The following FBN2 variants were observed in gnomAD, a reference collection of about 807,000 sequenced individuals.
FBN2 encodes fibrillin 2, also known as fibrillin-2.
In FBN2, 105 loss-of-function variants were observed where a neutral mutation model predicts 355.6. The ratio of observed to expected loss-of-function variants is 0.30; its 90% CI spans 0.25 to 0.35. The LOEUF (loss-of-function observed/expected upper bound fraction) is 0.35, where lower values mean the gene tolerates loss of function less well. Among genes scored for constraint, FBN2 ranks in the 10% least tolerant of loss-of-function variants. The pLI, the probability that FBN2 is intolerant of heterozygous loss-of-function variation, is 1.00. For missense variants in FBN2, 3,280 were observed against 3,758.7 expected (o/e 0.87, Z 3.33); for synonymous variants, 1,350 against 1,301.2 (o/e 1.04, Z -0.81).
intron 15 of FBN2, among the ~76,000 whole-genome samples, chr5:128,373,183 G>T (rs1314367455): frequency 3.3e-5 from 5 of 152,092 alleles, no homozygotes; most frequent in Non-Finnish European, 7.4e-5. Flanking sequence ...GCAACAACTC[G>T]CATGTTGGTT....
intron 32 of FBN2, 102 bp downstream of exon 32, chr5:128,332,809 TA>T: frequency 8.7e-7 from 1 of 1,152,170 alleles, no homozygotes; most frequent in Non-Finnish European, 1.3e-6. Flanking sequence ...AACCTTTTTA[TA>T]AAGGAATTAA....
chr5:128,533,371 C>G (rs572110352), intron 2 of FBN2, among the ~76,000 whole-genome samples: 1 of 152,162 alleles, frequency 6.6e-6, no homozygotes, highest in Non-Finnish European at 1.5e-5. Context: ...CAGGTATATA[C>G]TCTGTATCTG....
At position 128,330,631 on chromosome 5, in the gene FBN2, C is replaced by T. The variant is rs761049150; in HGVS notation, c.4287G>A (p.Pro1429=). Residue 1429 remains proline, a synonymous_variant, in exon 33 of 65, where the codon CCG becomes CCA. Coordinates refer to ENST00000262464, the MANE Select transcript of FBN2 (RefSeq NM_001999.4). Reference sequence around the variant, plus strand: ...CGGAGCAGGCACAGCGGTATGAGCCCGGGGTATTTACACACTGAGCATTGA... The same window carrying T: ...CGGAGCAGGCACAGCGGTATGAGCCTGGGGTATTTACACACTGAGCATTGA... ...CSINAQCVNT[P]GSYRCACSEG... 1.7e-5 allele frequency: 28 copies of T among 1,613,812 alleles called. No individual in the cohort carries two copies. Among genetic ancestry groups the T allele is most frequent in the Admixed American group, 3.3e-5 (2 of 59,978 alleles).
rs575606176 is a variant in FBN2, at chr5:128,481,875, G to T, written c.629-16954C>A. Among the ~76,000 whole-genome samples the T allele has an allele frequency of 3.9e-5, 6 of 152,242 alleles. No individual in the cohort carries two copies. In the South Asian group the frequency reaches 1.2e-3, roughly 32 times the overall value. ...TACCTATCGTGTTTCTGCTCGGTAAGCAGATTCTTCCCATTCTTAGGTAAT... is the reference window on the plus strand; with the variant it reads ...TACCTATCGTGTTTCTGCTCGGTAATCAGATTCTTCCCATTCTTAGGTAAT... On this transcript the variant is annotated intron_variant, in intron 5 of 64. Transcript: ENST00000262464.
intron 27 of FBN2, among the ~76,000 whole-genome samples, chr5:128,337,636 C>T (rs936760078): frequency 3.9e-5 from 6 of 152,206 alleles, no homozygotes; most frequent in East Asian, 1.9e-4. Flanking sequence ...GGGCGTAGAG[C>T]GGAGTCTGCC....
rs2126954730 is a variant in FBN2, at chr5:128,374,699, T to C, written c.2024A>G (p.Asn675Ser). The change falls in exon 15 of 65, where the codon AAC becomes AGC. Residue 675 changes from asparagine (N) to serine (S), a missense_variant. Physicochemically the swap from Asn to Ser is conservative, Grantham distance 46. Coordinates refer to ENST00000262464, the MANE Select transcript of FBN2 (RefSeq NM_001999.4). ...GTCACAGCGGAAGGACCCTTCACTGTTGATGCAGTGCCCATTCATGCAGAT... is the reference window on the plus strand; with the variant it reads ...GTCACAGCGGAAGGACCCTTCACTGCTGATGCAGTGCCCATTCATGCAGAT... Reference protein sequence around the residue: ...PGICMNGHCINSEGSFRCDCP... With the variant: ...PGICMNGHCISSEGSFRCDCP... The C allele has an allele frequency of 6.2e-7, 1 of 1,613,962 alleles. No individual in the cohort carries two copies. The highest frequency in any genetic ancestry group is 8.5e-7 in the Non-Finnish European group (1 of 1,179,886).
chr5:128,460,123 A>G (rs1303086516), intron 6 of FBN2, among the ~76,000 whole-genome samples: 1 of 152,226 alleles, frequency 6.6e-6, no homozygotes, highest in Non-Finnish European at 1.5e-5. Context: ...GTCTCAGGAT[A>G]CAAAATCGGT....
rs188697319 is a variant in FBN2 at position 128,380,833 on chromosome 5, T to C, written c.1604-1943A>G. 3.9e-3 allele frequency among the ~76,000 whole-genome samples: 601 copies of C among 152,212 alleles called. 3 individuals are homozygous for C. Among genetic ancestry groups the C allele is most frequent in the Non-Finnish European group, 6.1e-3 (415 of 68,000 alleles). On this transcript the variant is annotated intron_variant, in intron 11 of 64. Transcript: ENST00000262464. ...CCAAGAGACCATGTTCGTTTTGTCT[T>C]GTTTACAGGAACAGAAAGTACTTAA... is the stretch of plus-strand genomic sequence containing the variant.
chr5:128,348,225 A>AT (rs1314285897), intron 23 of FBN2, among the ~76,000 whole-genome samples: 1 of 152,144 alleles, frequency 6.6e-6, no homozygotes, highest in African/African-American at 2.4e-5. Context: ...TGATATTATT[A>AT]TTTTTGACAT....
intron 34 of FBN2, among the ~76,000 whole-genome samples, chr5:128,319,868 T>C (rs1750322555): frequency 6.6e-6 from 1 of 152,212 alleles, no homozygotes; most frequent in Admixed American, 6.5e-5. Flanking sequence ...GATGGATATT[T>C]ATGTATATAA....
At chr5:128,437,754 T>C (rs539258668) in intron 7 of FBN2, among the ~76,000 whole-genome samples, 11 of 151,480 alleles carry the variant, frequency 7.3e-5, no homozygotes, top group Non-Finnish European at 1.3e-4. Flanking sequence ...GATAAATAGA[T>C]AGATAAATAG....
At chr5:128,338,859 G>A (rs1168644335) in intron 26 of FBN2, 74 bp downstream of exon 26, 3 of 1,519,134 alleles carry the variant, frequency 2.0e-6, no homozygotes, top group Non-Finnish European at 2.7e-6. Flanking sequence ...CCAGAGATAA[G>A]CAAAGGTCAT....
chr5:128,262,590 C>G (rs1406648477), intron 63 of FBN2, among the ~76,000 whole-genome samples: 1 of 152,200 alleles, frequency 6.6e-6, no homozygotes, highest in African/African-American at 2.4e-5. Context: ...AAGCTCCCTG[C>G]TTTAAAAACT....
rs765214316 is a variant in FBN2 at position 128,536,445 on chromosome 5, G to A, written c.294C>T (p.Cys98=). The change falls in exon 2 of 65, where the codon TGC becomes TGT. Residue 98 remains cysteine, a synonymous_variant. Transcript: ENST00000262464. ...CTCCAGGGAGCGTCTTCCATCCAGG[G>A]CAGCAGTAGGAGTGGAATCTGGAGC... is the stretch of plus-strand genomic sequence containing the variant. The part of the protein sequence containing the change: ...VCGSRFHSYC[C]PGWKTLPGGN... 8 of 1,613,990 alleles carry A rather than the reference G, an allele frequency of 5.0e-6. No homozygotes were observed. The Admixed American group carries it at 8.3e-5, about 17-fold the overall frequency.
Position 128,455,684 on chromosome 5 carries a change from A to G in FBN2, c.826+9040T>C, listed in dbSNP as rs371410906. 1.7e-4 allele frequency among the ~76,000 whole-genome samples: 26 copies of G among 151,870 alleles called. No individual in the cohort carries two copies. In the East Asian group the frequency reaches 4.3e-3, roughly 25 times the overall value. On this transcript the variant is annotated intron_variant, in intron 6 of 64. Transcript: ENST00000262464. Reference sequence around the variant, plus strand: ...GATGAGTAGTGTGGTGCCACGGCCCACTTGAGAGCCACACGGGGATGGGAA... The same window carrying G: ...GATGAGTAGTGTGGTGCCACGGCCCGCTTGAGAGCCACACGGGGATGGGAA...
intron 20 of FBN2, among the ~76,000 whole-genome samples, chr5:128,352,755 T>C (rs72785127): frequency 0.015 from 2,278 of 152,336 alleles, 19 homozygotes; most frequent in Non-Finnish European, 0.024. Flanking sequence ...ATGTGAGTGA[T>C]GTGGAAAACA....
intron 8 of FBN2, among the ~76,000 whole-genome samples, chr5:128,397,574 TA>T (rs1321737147): frequency 1.3e-5 from 2 of 152,120 alleles, no homozygotes; most frequent in Non-Finnish European, 1.5e-5. Context: ...GAGAATGAAA[TA>T]AAACAACATA....
chr5:128,485,182 C>A (rs1351468826), intron 5 of FBN2, among the ~76,000 whole-genome samples: 1 of 152,020 alleles, frequency 6.6e-6, no homozygotes, highest in Non-Finnish European at 1.5e-5. Flanking sequence ...AGACACCATG[C>A]ACAGCTAATT....
chr5:128,305,889 T>C lies in FBN2; in HGVS notation c.5482A>G (p.Ile1828Val). The change falls in exon 43 of 65, where the codon ATT (isoleucine) becomes GTT (valine). Residue 1828 changes from isoleucine (I) to valine (V), a missense_variant. By Grantham distance (29) the Ile-to-Val change is conservative. This residue lies in a region of FBN2 where 2,284 missense variants were observed against 2,749.5 expected (regional missense o/e 0.83). Coordinates refer to ENST00000262464, the MANE Select transcript of FBN2 (RefSeq NM_001999.4). ...GGGCATTCACAGCGGAAACTGCCAA[T>C]CTGGTTAATGCACACACCATTTGCA... ...ICANGVCINQ[I>V]GSFRCECPTG... 6.2e-7 allele frequency: 1 copy of C among 1,613,812 alleles called. No homozygotes were observed. The highest frequency in any genetic ancestry group is 8.5e-7 in the Non-Finnish European group (1 of 1,179,726).
Sources: gnomAD v4.1 joint callset for allele counts (sites outside exome capture counted in the v4.1 genomes callset) on GRCh38, gnomAD v4.1.1 for gene constraint, gnomAD v4.1.1 regional missense constraint, MANE v1.5 for transcripts, NCBI Gene and HGNC (gene_info 2026-07-23, HGNC 2026-07-21) for gene names.